The following CCNL1 variants were observed in gnomAD, a reference collection of about 807,000 sequenced individuals.
CCNL1 encodes cyclin L1, also known as cyclin-L1.
A neutral mutation model predicts 60.6 loss-of-function variants in CCNL1; 13 were observed. That is an observed-to-expected ratio of 0.21 (90% CI 0.14 to 0.34). The LOEUF is 0.34. Ranked by LOEUF, CCNL1 falls within the 10% of genes least tolerant of loss-of-function variation. The probability of loss-of-function intolerance (pLI) is 1.00; values close to 1 mark genes in which losing one functional copy is unlikely to be tolerated. For missense variants in CCNL1, 481 were observed against 664.3 expected, an observed-to-expected ratio of 0.72 and a Z score of 3.03; for synonymous variants, 270 against 244.3, an observed-to-expected ratio of 1.10 and a Z score of -0.98.
intron 3 of CCNL1, among the ~76,000 whole-genome samples, chr3:157,157,646 A>G (rs1738722260): frequency 6.6e-6 from 1 of 152,208 alleles, no homozygotes; most frequent in Non-Finnish European, 1.5e-5. Context: ...TCAACAAACT[A>G]AAAGATATTT....
chr3:157,159,190 T>C (rs79120733), intron 2 of CCNL1: 27,370 of 633,610 alleles, frequency 0.043, 1,420 homozygotes, highest in South Asian at 0.17. Context: ...GTTCTGCATT[T>C]GGTTGAAAAC....
chr3:157,159,001 G>A (rs761195304), intron 2 of CCNL1, 26 bp from the exon 3 acceptor site: 5 of 1,478,864 alleles, frequency 3.4e-6, no homozygotes, highest in Non-Finnish European at 4.7e-6. Context: ...AGCCACAAAA[G>A]CCATTGTTAG....
intron 3 of CCNL1, 127 bp from the exon 4 acceptor site, chr3:157,153,283 A>C (rs1429543339): frequency 3.7e-6 from 3 of 819,440 alleles, no homozygotes; most frequent in Non-Finnish European, 5.6e-6. Flanking sequence ...TCCTGCAAAC[A>C]AGTTAAAGCA....
At chr3:157,158,819 G>C (rs528895472) in intron 3 of CCNL1, 47 bp downstream of exon 3, 1 of 1,189,690 alleles carries the variant, frequency 8.4e-7, no homozygotes, top group South Asian at 1.3e-5. Context: ...ACTGGTGCAC[G>C]GTACAGCAGT....
Position 157,147,921 on chromosome 3 carries a change from A to G in CCNL1, c.*320T>C. 2 of 1,049,174 alleles carry G rather than the reference A, an allele frequency of 1.9e-6. No homozygotes were observed. Among genetic ancestry groups the G allele is most frequent in the Non-Finnish European group, 1.1e-6 (1 of 871,746 alleles). 65.0% of individuals were successfully genotyped at this position (1,049,174 alleles called of 1,614,324 possible). ...ACCACTTAAATAGAACAGTGTCTGC[A>G]ATTTTATCTGTATAAAAATAAGATA... On this transcript the variant is annotated 3_prime_UTR_variant, in exon 11 of 11. Coordinates refer to ENST00000295926, the MANE Select transcript of CCNL1 (RefSeq NM_020307.4).
rs747475067 is a variant in CCNL1, at chr3:157,149,386, CT to C, written c.1134-2del. The C allele has an allele frequency of 1.1e-5, 17 of 1,613,514 alleles. No homozygotes were observed. The African/African-American group carries it at 2.3e-4, about 22-fold the overall frequency. On this transcript the variant is annotated splice_acceptor_variant, in intron 9 of 10. Coordinates refer to ENST00000295926, the MANE Select transcript of CCNL1 (RefSeq NM_020307.4). LOFTEE classifies it high-confidence loss of function. Reference sequence around the variant, plus strand: ...ACTTCTCTTGCTGTCTTTTCTTACACTTCAAAAAATCATGACATATTAGTTA... The same window carrying C: ...ACTTCTCTTGCTGTCTTTTCTTACACTCAAAAAATCATGACATATTAGTTA...
At chr3:157,159,694 C>T (rs796675178) in intron 1 of CCNL1, 98 bp downstream of exon 1, 46 of 1,215,324 alleles carry the variant, frequency 3.8e-5, no homozygotes, top group South Asian at 1.9e-4. Flanking sequence ...CTGAAGGAAC[C>T]GTCCCCACCC....
rs200316598 is a variant in CCNL1 at position 157,148,387 on chromosome 3, G to A, written c.1435C>T (p.Arg479Trp). Residue 479 changes from arginine to tryptophan, a missense_variant, in exon 11 of 11, where the codon CGG (arginine) becomes TGG (tryptophan). Transcript: ENST00000295926. ...TTCTTGGCTGCATCTGAGTGATCCC[G>A]AGACTTGCTCTGAGATCGAGAACGA... ...KSRSRSQSKS[R>W]DHSDAAKKHR... The A allele has an allele frequency of 2.5e-5, 40 of 1,614,022 alleles. 1 individual carries two copies. The highest frequency in any genetic ancestry group is 1.7e-4 in the African/African-American group (13 of 74,880).
intron 3 of CCNL1, chr3:157,157,187 G>T (rs1738687697): frequency 1.9e-6 from 2 of 1,062,476 alleles, no homozygotes; most frequent in Middle Eastern, 2.6e-4. Context: ...TTTACATCCT[G>T]CTTTAAAAAA....
At chr3:157,145,456 AAAAAAAAACC>A (rs1400451959), downstream of CCNL1, among the ~76,000 whole-genome samples, 195 of 148,542 alleles carry the variant, frequency 1.3e-3, 9 homozygotes, top group African/African-American at 4.4e-3. Context: ...AAAAAAAAAA[AAAAAAAAACC>A]AAAACGGGAT....
At chr3:157,152,413 T>A (rs1279699782) in intron 4 of CCNL1, 172 bp from the exon 5 acceptor site, 3 of 1,295,836 alleles carry the variant, frequency 2.3e-6, no homozygotes, top group East Asian at 3.2e-5. Context: ...ATGACTAGAT[T>A]TTATATAAAT....
At chr3:157,145,437 CAAAAAAAAAAAAA>C (rs56894231), downstream of CCNL1, among the ~76,000 whole-genome samples, 21 of 24,270 alleles carry the variant, frequency 8.7e-4, no homozygotes, top group Admixed American at 8.7e-3. Flanking sequence ...GACTTCATCT[CAAAAAAAAAAAAA>C]AAAAAAAAAA....
rs765262872 is a variant in CCNL1, at chr3:157,159,432, G to A, written c.351C>T (p.Ser117=). The A allele has an allele frequency of 6.2e-7, 1 of 1,614,120 alleles. No individual in the cohort carries two copies. Among genetic ancestry groups the A allele is most frequent in the South Asian group, 1.1e-5 (1 of 91,078 alleles). Residue 117 remains serine, a synonymous_variant, in exon 2 of 11, where the codon TCC becomes TCT. Transcript: ENST00000295926. ...CGAAACTGTGTTTGACGAAAGATTT[G>A]GAGTAGAAAAAACGATGAAACAACA... is the stretch of plus-strand genomic sequence containing the variant. ...GQVLFHRFFY[S]KSFVKHSFEI...
At chr3:157,154,920 C>G (rs1738493829) in intron 3 of CCNL1, among the ~76,000 whole-genome samples, 1 of 145,070 alleles carries the variant, frequency 6.9e-6, no homozygotes, top group African/African-American at 2.7e-5. Flanking sequence ...CAACCTATCT[C>G]TCTCTCCATA....
chr3:157,154,985 A>G (rs1738509028), intron 3 of CCNL1, among the ~76,000 whole-genome samples: 1 of 145,580 alleles, frequency 6.9e-6, no homozygotes, highest in South Asian at 2.2e-4. Flanking sequence ...AACATATTCC[A>G]AAGATCTTAA....
chr3:157,159,055 C>T, intron 2 of CCNL1, 80 bp from the exon 3 acceptor site: 1 of 921,614 alleles, frequency 1.1e-6, no homozygotes. Flanking sequence ...ACAATTGGGA[C>T]AACCTTTAGT....
At chr3:157,159,694 C>G in intron 1 of CCNL1, 98 bp downstream of exon 1, 2 of 1,215,446 alleles carry the variant, frequency 1.6e-6, no homozygotes, top group South Asian at 3.1e-5. Flanking sequence ...CTGAAGGAAC[C>G]GTCCCCACCC....
At position 157,150,074 on chromosome 3, in the gene CCNL1, G is replaced by A. The variant is rs766436802; in HGVS notation, c.870C>T (p.Thr290=). Residue 290 remains threonine, a synonymous_variant, in exon 7 of 11, where the codon ACC becomes ACT. Transcript: ENST00000295926. ...AGTAAATAGAGAATACCTTTTTTCT[G>A]GTATAAAGCCTAAGTGTTTCTATGC... The part of the protein sequence containing the change: ...EICIETLRLY[T]RKKPNYELLE... 4 of 1,607,290 alleles carry A rather than the reference G, an allele frequency of 2.5e-6. No homozygotes were observed. The African/African-American group carries it at 5.4e-5, about 22-fold the overall frequency.
rs868658425 is a variant in CCNL1 at position 157,148,072 on chromosome 3, A to T, written c.*169T>A. The T allele has an allele frequency of 5.8e-6, 8 of 1,387,644 alleles. No homozygotes were observed. The highest frequency in any genetic ancestry group is 7.4e-6 in the Non-Finnish European group (8 of 1,074,940). 86.0% of individuals were successfully genotyped at this position (1,387,644 alleles called of 1,614,324 possible). The stretch of plus-strand genomic sequence containing the variant: ...CTAGGGCATTTTAATGTGCAAAAAA[A>T]TTAACATAGTTCTTTTCAAAAGAAA... On this transcript the variant is annotated 3_prime_UTR_variant, in exon 11 of 11. Transcript: ENST00000295926.
Sources: allele counts gnomAD v4.1 joint callset (sites outside exome capture counted in the v4.1 genomes callset), GRCh38; gene constraint gnomAD v4.1.1; transcripts MANE v1.5; gene names NCBI Gene and HGNC (gene_info 2026-07-23, HGNC 2026-07-21).